Variants in DPP6 observed in about 807,000 individuals in gnomAD.
The protein encoded by DPP6 is dipeptidyl peptidase like 6.
A neutral mutation model predicts 122.6 loss-of-function variants in DPP6; 69 were observed. The ratio of observed to expected loss-of-function variants is 0.56; its 90% CI spans 0.46 to 0.69. The LOEUF (loss-of-function observed/expected upper bound fraction) is 0.69, where lower values mean the gene tolerates loss of function less well. Ranked by LOEUF, DPP6 falls within the 30% of genes least tolerant of loss-of-function variation. The pLI is 0.00. For synonymous variants in DPP6, 418 were observed against 433.1 expected, an observed-to-expected ratio of 0.97 and a Z score of 0.43; for missense variants, 928 against 1,116.9, an observed-to-expected ratio of 0.83 and a Z score of 2.41.
rs1466497993 is a variant in DPP6, at chr7:154,063,432, C to T, written c.243+10369C>T. 2.0e-4 allele frequency among the ~76,000 whole-genome samples: 25 copies of T among 128,172 alleles called. 3 individuals carry two copies. Among genetic ancestry groups the T allele is most frequent in the African/African-American group, 6.4e-4 (23 of 35,704 alleles). 84.1% of individuals were successfully genotyped at this position (128,172 alleles called of 152,430 possible). On this transcript the variant is annotated intron_variant, in intron 1 of 25. Transcript: ENST00000377770. ...TTCCGCCCCTGGCTGTTGGTACCCC[C>T]ATCGCAAGGGGGGGAGGCACCTCCC...
chr7:154,397,197 A>G (rs1296258863), intron 1 of DPP6, among the ~76,000 whole-genome samples: 1 of 151,174 alleles, frequency 6.6e-6, no homozygotes, highest in East Asian at 1.9e-4. Context: ...ATATAAAATA[A>G]GGTCAAAATG....
intron 1 of DPP6, among the ~76,000 whole-genome samples, chr7:154,163,862 C>T (rs12672506): frequency 0.11 from 17,358 of 151,604 alleles, 869 homozygotes; most frequent in African/African-American, 0.21. Context: ...TGCTTGGCCC[C>T]TCTCACTACA....
chr7:154,436,152 T>G (rs906549594), intron 1 of DPP6, among the ~76,000 whole-genome samples: 2 of 151,664 alleles, frequency 1.3e-5, no homozygotes, highest in African/African-American at 4.9e-5. Context: ...TATTGTGTTT[T>G]GGATAAAAGG....
intron 3 of DPP6, among the ~76,000 whole-genome samples, chr7:154,531,338 A>G (rs1649759904): frequency 6.6e-6 from 1 of 152,198 alleles, no homozygotes; most frequent in Admixed American, 6.5e-5. Flanking sequence ...CTCATTAAAA[A>G]CCATGGTGAC....
At chr7:154,170,697 C>G (rs147056469) in intron 1 of DPP6, among the ~76,000 whole-genome samples, 1 of 152,188 alleles carries the variant, frequency 6.6e-6, no homozygotes, top group African/African-American at 2.4e-5. Flanking sequence ...AGGACTGTGC[C>G]CCTGGTATGG....
intron 1 of DPP6, among the ~76,000 whole-genome samples, chr7:154,097,981 A>G (rs1318218283): frequency 6.6e-6 from 1 of 152,172 alleles, no homozygotes; most frequent in Non-Finnish European, 1.5e-5. Flanking sequence ...TGCCATATAC[A>G]TTAGGAGCAA....
intron 2 of DPP6, among the ~76,000 whole-genome samples, chr7:154,456,443 T>C (rs1347386781): frequency 6.6e-6 from 1 of 152,202 alleles, no homozygotes; most frequent in East Asian, 1.9e-4. Flanking sequence ...AGATTCTTCA[T>C]GTCTTTCTTT....
intron 1 of DPP6, among the ~76,000 whole-genome samples, chr7:154,130,679 C>G (rs1185457041): frequency 6.6e-6 from 1 of 152,074 alleles, no homozygotes; most frequent in Non-Finnish European, 1.5e-5. Flanking sequence ...TGCCTCAGAT[C>G]TCACGTCAGA....
chr7:154,063,756 G>A (rs549860600), intron 1 of DPP6, among the ~76,000 whole-genome samples: 64 of 151,802 alleles, frequency 4.2e-4, no homozygotes, highest in South Asian at 8.3e-4. Flanking sequence ...CCCCGTCGTG[G>A]ATCCTCAGAT....
At chr7:154,683,529 C>T (rs1232506207) in intron 7 of DPP6, among the ~76,000 whole-genome samples, 1 of 152,196 alleles carries the variant, frequency 6.6e-6, no homozygotes, top group Non-Finnish European at 1.5e-5. Context: ...GTTCCTGTAA[C>T]AGCTGCCTTC....
chr7:154,855,735 G>T (rs935743814), intron 17 of DPP6, among the ~76,000 whole-genome samples: 1 of 152,214 alleles, frequency 6.6e-6, no homozygotes, highest in Non-Finnish European at 1.5e-5. Context: ...GCATGACAGT[G>T]AATGTTTGAA....
rs150309695 is a variant in DPP6 at position 154,509,838 on chromosome 7, C to G, written c.458-30694C>G. On this transcript the variant is annotated intron_variant, in intron 3 of 25. Coordinates refer to ENST00000377770, the MANE Select transcript of DPP6 (RefSeq NM_130797.4). ...AAAACTGTAAGACAGTCACAAATGA[C>G]TACAATATACATGATTCCTTTTATA... is the stretch of plus-strand genomic sequence containing the variant. 4.0e-3 allele frequency among the ~76,000 whole-genome samples: 611 copies of G among 152,162 alleles called. 3 individuals carry two copies. Among genetic ancestry groups the G allele is most frequent in the African/African-American group, 0.014 (578 of 41,494 alleles).
At chr7:153,785,934 A>G in the DPP6 span, among the ~76,000 whole-genome samples, 4 of 151,700 alleles carry the variant, frequency 2.6e-5, no homozygotes, top group Middle Eastern at 6.8e-3. Context: ...TAGAACCTGA[A>G]TATTTTCTTC....
At chr7:154,886,859 A>G (rs1806192610) in intron 22 of DPP6, among the ~76,000 whole-genome samples, 1 of 152,160 alleles carries the variant, frequency 6.6e-6, no homozygotes, top group Non-Finnish European at 1.5e-5. Flanking sequence ...GTCTCCCAAC[A>G]CCTTCACAGC....
At chr7:153,817,970 G>A in the DPP6 span, among the ~76,000 whole-genome samples, 16 of 151,684 alleles carry the variant, frequency 1.1e-4, no homozygotes, top group African/African-American at 3.9e-4. Context: ...AGTGGAGGTG[G>A]GGGAGGGTGA....
At chr7:154,302,974 A>T (rs1454771171) in intron 1 of DPP6, among the ~76,000 whole-genome samples, 1 of 139,012 alleles carries the variant, frequency 7.2e-6, no homozygotes, top group Non-Finnish European at 1.6e-5. Context: ...CTGGGGTTTT[A>T]GTTTTTTTGT....
At chr7:154,316,446 T>C (rs1486272026) in intron 1 of DPP6, among the ~76,000 whole-genome samples, 2 of 152,224 alleles carry the variant, frequency 1.3e-5, no homozygotes, top group Non-Finnish European at 2.9e-5. Flanking sequence ...CCCTTTTTTG[T>C]TGTTGAAACA....
At chr7:154,308,376 T>A (rs74731976) in intron 1 of DPP6, among the ~76,000 whole-genome samples, 11,848 of 152,190 alleles carry the variant, frequency 0.078, 867 homozygotes, top group African/African-American at 0.19. Flanking sequence ...GGATACTAAA[T>A]AAACAAGCCA....
At chr7:154,681,768 C>A (rs563572638) in intron 7 of DPP6, among the ~76,000 whole-genome samples, 1 of 152,334 alleles carries the variant, frequency 6.6e-6, no homozygotes, top group East Asian at 1.9e-4. Context: ...ATCTCCTGGT[C>A]TTTGTAGAAT....
Sources: gnomAD v4.1 joint callset for allele counts (sites outside exome capture counted in the v4.1 genomes callset) on GRCh38, gnomAD v4.1.1 for gene constraint, MANE v1.5 for transcripts, NCBI Gene and HGNC (gene_info 2026-07-23, HGNC 2026-07-21) for gene names.